The following KL variants were observed in gnomAD, a reference collection of about 807,000 sequenced individuals.
The protein encoded by KL is alpha-klotho.
In KL, 62 loss-of-function variants were observed where a neutral mutation model predicts 84.2. The observed-to-expected ratio is 0.74, with a 90% CI of 0.60 to 0.91. The LOEUF (loss-of-function observed/expected upper bound fraction) is 0.91. Ranked by LOEUF, KL falls within the 40% of genes least tolerant of loss-of-function variation. The pLI is 0.00. For synonymous variants in KL, 528 were observed against 528.0 expected (o/e 1.00, Z 0.00); for missense variants, 1,261 against 1,305.7 (o/e 0.97, Z 0.53).
At chr13:33,043,130 G>A (rs1044501230) in intron 1 of KL, among the ~76,000 whole-genome samples, 2 of 151,996 alleles carry the variant, frequency 1.3e-5, no homozygotes, top group Non-Finnish European at 2.9e-5. Context: ...ATAAGAAACT[G>A]TCAAATAGTT....
intron 1 of KL, among the ~76,000 whole-genome samples, chr13:33,021,058 G>A (rs1019802740): frequency 2.0e-5 from 3 of 152,074 alleles, no homozygotes; most frequent in South Asian, 4.1e-4. Context: ...TTACCCCTTC[G>A]CTATCTGGGG....
intron 4 of KL, among the ~76,000 whole-genome samples, chr13:33,062,159 G>A (rs191163444): frequency 6.6e-6 from 1 of 152,106 alleles, no homozygotes; most frequent in African/African-American, 2.4e-5. Flanking sequence ...CAGGAGGATT[G>A]CTTGAGCCTA....
At chr13:33,057,392 T>C (rs1383260912) in intron 3 of KL, among the ~76,000 whole-genome samples, 1 of 152,140 alleles carries the variant, frequency 6.6e-6, no homozygotes, top group Admixed American at 6.5e-5. Context: ...GTACATCCTA[T>C]TTCCTTGAGG....
At chr13:33,046,125 A>T (rs149041802) in intron 1 of KL, among the ~76,000 whole-genome samples, 75 of 152,312 alleles carry the variant, frequency 4.9e-4, no homozygotes, top group African/African-American at 1.8e-3. Context: ...TGGTGGCTTT[A>T]TCTGGCTTTG....
chr13:33,051,909 GC>G (rs1372630415), intron 1 of KL, among the ~76,000 whole-genome samples: 1 of 152,184 alleles, frequency 6.6e-6, no homozygotes, highest in Admixed American at 6.5e-5. Context: ...CTGAGTACTA[GC>G]CTGGACTGCT....
At chr13:33,048,726 A>G (rs1871631899) in intron 1 of KL, among the ~76,000 whole-genome samples, 1 of 152,220 alleles carries the variant, frequency 6.6e-6, no homozygotes, top group Non-Finnish European at 1.5e-5. Flanking sequence ...CAAGGCAGAA[A>G]GCTGGAGTGG....
Position 33,060,785 on chromosome 13 carries a change from A to C in KL, c.1706A>C (p.Lys569Thr). 6.2e-7 allele frequency: 1 copy of C among 1,614,190 alleles called. No individual in the cohort carries two copies. Among genetic ancestry groups the C allele is most frequent in the Non-Finnish European group, 8.5e-7 (1 of 1,180,044 alleles). Residue 569 changes from lysine to threonine, a missense_variant, in exon 4 of 5, where the codon AAA becomes ACA. Coordinates refer to ENST00000380099, the MANE Select transcript of KL (RefSeq NM_004795.4). ...KVDGVVTKKRKSYCVDFAAIQ... is the reference protein window; with the variant it reads ...KVDGVVTKKRTSYCVDFAAIQ... ...GATGGGGTTGTGACCAAGAAGAGGA[A>C]ATCCTACTGTGTTGACTTTGCTGCC...
chr13:33,061,873 C>G, intron 4 of KL, 93 bp downstream of exon 4: 1 of 1,298,628 alleles, frequency 7.7e-7, no homozygotes, highest in Non-Finnish European at 1.1e-6. Context: ...CACACTGCCA[C>G]CCTTGGAATG....
chr13:33,054,737 T>C (rs1326459913), intron 2 of KL, among the ~76,000 whole-genome samples: 3 of 152,212 alleles, frequency 2.0e-5, no homozygotes, highest in Non-Finnish European at 2.9e-5. Flanking sequence ...CAAAGCTGGG[T>C]GTCTAGGATG....
chr13:33,021,342 T>G (rs1334504524), intron 1 of KL, among the ~76,000 whole-genome samples: 1 of 152,164 alleles, frequency 6.6e-6, no homozygotes, highest in Non-Finnish European at 1.5e-5. Flanking sequence ...TATGATTCCA[T>G]TGTGAAAATG....
At position 33,065,459 on chromosome 13, in the gene KL, T is replaced by C. The variant is rs1872376213; in HGVS notation, c.*1273T>C. The C allele has an allele frequency of 5.2e-6, 1 of 194,066 alleles. No individual in the cohort carries two copies. Among genetic ancestry groups the C allele is most frequent in the East Asian group, 8.1e-5 (1 of 12,304 alleles). 12.0% of individuals were successfully genotyped at this position (194,066 alleles called of 1,614,324 possible). On this transcript the variant is annotated 3_prime_UTR_variant, in exon 5 of 5. Coordinates refer to ENST00000380099, the MANE Select transcript of KL (RefSeq NM_004795.4). ...GGAAGTCTCTCTATTACACTGGAGC[T>C]GTTTTATAGATAAGTCAATATTGTA...
chr13:33,033,533 T>C (rs111969794), intron 1 of KL, among the ~76,000 whole-genome samples: 3 of 152,024 alleles, frequency 2.0e-5, no homozygotes, highest in Non-Finnish European at 4.4e-5. Flanking sequence ...GCATTATTTT[T>C]TTTTACTCTT....
intron 1 of KL, among the ~76,000 whole-genome samples, chr13:33,045,936 A>G (rs182080699): frequency 6.6e-6 from 1 of 152,328 alleles, no homozygotes; most frequent in African/African-American, 2.4e-5. Flanking sequence ...CTATTGATGT[A>G]ATGCATTACA....
intron 1 of KL, among the ~76,000 whole-genome samples, chr13:33,053,165 C>T (rs976113313): frequency 1.3e-5 from 2 of 152,150 alleles, no homozygotes; most frequent in South Asian, 2.1e-4. Flanking sequence ...CCAGAACTGT[C>T]CCAGAGTTCT....
At chr13:33,045,418 T>C (rs1270929353) in intron 1 of KL, among the ~76,000 whole-genome samples, 1 of 152,184 alleles carries the variant, frequency 6.6e-6, no homozygotes, top group East Asian at 1.9e-4. Flanking sequence ...TCAATCCTGA[T>C]GTTAGGGGTG....
Position 33,053,802 on chromosome 13 carries a change from T to C in KL, c.855T>C (p.Ser285=). Residue 285 remains serine (S), a synonymous_variant, in exon 2 of 5, where the codon TCT becomes TCC. Transcript: ENST00000380099. The part of the protein sequence containing the change: ...HAKVWHLYNT[S]FRPTQGGQVS... ...AAGTCTGGCATCTCTACAATACTTCTTTCCGTCCCACTCAGGGAGGTCAGG... is the reference window on the plus strand; with the variant it reads ...AAGTCTGGCATCTCTACAATACTTCCTTCCGTCCCACTCAGGGAGGTCAGG... 2 of 1,614,194 alleles carry C rather than the reference T, an allele frequency of 1.2e-6. No individual in the cohort carries two copies. Among genetic ancestry groups the C allele is most frequent in the Non-Finnish European group, 1.7e-6 (2 of 1,180,024 alleles).
At chr13:33,017,836 C>G (rs753631364) in intron 1 of KL, among the ~76,000 whole-genome samples, 9 of 152,196 alleles carry the variant, frequency 5.9e-5, no homozygotes, top group Non-Finnish European at 1.2e-4. Flanking sequence ...ATCTTATTCA[C>G]CGGGGTGTGA....
rs778568566 is a variant in KL, at chr13:33,017,205, C to T, written c.765C>T (p.Pro255=). 1 of 1,596,046 alleles carries T rather than the reference C, an allele frequency of 6.3e-7. No homozygotes were observed. The highest frequency in any genetic ancestry group is 8.5e-7 in the Non-Finnish European group (1 of 1,178,268). ...WHGYATGRLA[P]GIRGSPRLGY... ...GCTACGCCACCGGGCGCCTGGCCCC[C>T]GGCATCCGGGGCAGCCCGCGGCTCG... is the stretch of plus-strand genomic sequence containing the variant. Residue 255 remains proline (P), a synonymous_variant, in exon 1 of 5, where the codon CCC becomes CCT. Coordinates refer to ENST00000380099, the MANE Select transcript of KL (RefSeq NM_004795.4).
intron 3 of KL, among the ~76,000 whole-genome samples, chr13:33,057,351 G>C (rs1284117283): frequency 1.3e-5 from 2 of 152,116 alleles, no homozygotes; most frequent in Non-Finnish European, 2.9e-5. Context: ...GCTGGCTTTG[G>C]GAATTGGTAA....
Sources: allele counts gnomAD v4.1 joint callset (sites outside exome capture counted in the v4.1 genomes callset), GRCh38; gene constraint gnomAD v4.1.1; transcripts MANE v1.5; gene names NCBI Gene and HGNC (gene_info 2026-07-23, HGNC 2026-07-21).